Variants in CCBE1 observed in about 807,000 individuals in gnomAD.
CCBE1 encodes the protein collagen and calcium-binding EGF domain-containing protein 1.
In CCBE1, 37 loss-of-function variants were observed where a neutral mutation model predicts 50.0. That is an observed-to-expected ratio of 0.74 (90% CI 0.57 to 0.97). CCBE1 has a LOEUF of 0.97. Among genes scored for constraint, CCBE1 ranks in the 50% least tolerant of loss-of-function variants. CCBE1 has a pLI of 0.00. For synonymous variants in CCBE1, 234 were observed against 203.7 expected, an observed-to-expected ratio of 1.15 and a Z score of -1.27; for missense variants, 538 against 523.8, an observed-to-expected ratio of 1.03 and a Z score of -0.26.
intron 6 of CCBE1, among the ~76,000 whole-genome samples, chr18:59,449,446 A>G (rs1910826633): frequency 6.6e-6 from 1 of 151,884 alleles, no homozygotes; most frequent in Non-Finnish European, 1.5e-5. Context: ...ACATGGTGGA[A>G]CACTATCTCC....
chr18:59,618,053 T>C (rs1204936383), intron 2 of CCBE1, among the ~76,000 whole-genome samples: 1 of 152,188 alleles, frequency 6.6e-6, no homozygotes, highest in African/African-American at 2.4e-5. Context: ...AGAAAGATAA[T>C]CAATTTTGAA....
intron 9 of CCBE1, among the ~76,000 whole-genome samples, chr18:59,438,479 C>G (rs1339816686): frequency 1.3e-5 from 2 of 152,222 alleles, no homozygotes; most frequent in Non-Finnish European, 2.9e-5. Flanking sequence ...GAGCAGGCAG[C>G]TCTCAGAGGG....
chr18:59,657,018 A>G (rs2054200204), intron 2 of CCBE1, among the ~76,000 whole-genome samples: 1 of 152,236 alleles, frequency 6.6e-6, no homozygotes, highest in Admixed American at 6.5e-5. Flanking sequence ...TGGACAGGCC[A>G]GGACCCCAGA....
intron 2 of CCBE1, among the ~76,000 whole-genome samples, chr18:59,594,202 T>C (rs1353310919): frequency 6.6e-6 from 1 of 152,246 alleles, no homozygotes. Flanking sequence ...TGTTTAACAA[T>C]GATCCCAATG....
At chr18:59,464,510 G>A (rs530684384) in intron 5 of CCBE1, among the ~76,000 whole-genome samples, 147 of 152,304 alleles carry the variant, frequency 9.7e-4, no homozygotes, top group Non-Finnish European at 4.7e-4. Flanking sequence ...CGACAAGCCC[G>A]TTTCCTCTGC....
chr18:59,605,011 G>A (rs1004810916), intron 2 of CCBE1, among the ~76,000 whole-genome samples: 1 of 152,182 alleles, frequency 6.6e-6, no homozygotes, highest in Non-Finnish European at 1.5e-5. Flanking sequence ...CCTACACCGT[G>A]TTCATCATGC....
At chr18:59,441,396 G>A (rs1409923757) in intron 7 of CCBE1, among the ~76,000 whole-genome samples, 1 of 151,362 alleles carries the variant, frequency 6.6e-6, no homozygotes, top group African/African-American at 2.4e-5. Flanking sequence ...TGTAATCCCA[G>A]CTACTCAGGA....
intron 8 of CCBE1, 39 bp from the exon 9 acceptor site, chr18:59,439,617 G>T (rs772248616): frequency 9.3e-6 from 15 of 1,614,128 alleles, no homozygotes; most frequent in Non-Finnish European, 1.3e-5. Context: ...ACAGGCAAAA[G>T]CATGGGACAA....
intron 2 of CCBE1, among the ~76,000 whole-genome samples, chr18:59,600,637 G>A (rs2053416118): frequency 6.6e-6 from 1 of 152,092 alleles, no homozygotes. Flanking sequence ...GGTTAGCAAA[G>A]GTCCTCCATG....
rs1598894783 is a variant in CCBE1 at position 59,430,962 on chromosome 18, A to T, written c.*4946T>A. 6.6e-6 allele frequency: 1 copy of T among 152,374 alleles called. No individual in the cohort carries two copies. The highest frequency in any genetic ancestry group is 1.5e-5 in the Non-Finnish European group (1 of 68,032). 9.4% of individuals were successfully genotyped at this position (152,374 alleles called of 1,614,324 possible). On this transcript the variant is annotated 3_prime_UTR_variant, in exon 11 of 11. Transcript: ENST00000439986. ...TGTAAGAAAAATAACTTTGTTATTA[A>T]GCATATACAATCATAACAAAAGTAC...
rs887442605 is a variant in CCBE1, at chr18:59,597,403, A to G, written c.212+99226T>C. ...GCATGAGCAAGGAGGCATTTAGAGA[A>G]TTTACTGAGTGAAACACATACCTAC... On this transcript the variant is annotated intron_variant, in intron 2 of 10. Transcript: ENST00000439986. Among the ~76,000 whole-genome samples, 2 of 152,210 alleles carry G rather than the reference A, an allele frequency of 1.3e-5. 1 individual carries two copies. The highest frequency in any genetic ancestry group is 3.8e-4 in the East Asian group (2 of 5,204).
chr18:59,526,748 G>T (rs1404978836), intron 2 of CCBE1, among the ~76,000 whole-genome samples: 1 of 152,136 alleles, frequency 6.6e-6, no homozygotes. Context: ...CTCGATTTCT[G>T]CTTTAATTTC....
At chr18:59,590,012 C>T (rs533255254) in intron 2 of CCBE1, among the ~76,000 whole-genome samples, 1 of 152,222 alleles carries the variant, frequency 6.6e-6, no homozygotes, top group African/African-American at 2.4e-5. Context: ...ACCGACAAAA[C>T]AGAAATTGAT....
chr18:59,557,082 C>T (rs1455749337), intron 2 of CCBE1, among the ~76,000 whole-genome samples: 2 of 152,288 alleles, frequency 1.3e-5, no homozygotes, highest in East Asian at 3.9e-4. Flanking sequence ...AGCTGGGCCC[C>T]AATCCCTCTA....
chr18:59,552,084 C>T (rs1267000875), intron 2 of CCBE1, among the ~76,000 whole-genome samples: 1 of 152,204 alleles, frequency 6.6e-6, no homozygotes, highest in Non-Finnish European at 1.5e-5. Context: ...TACCTTGGTG[C>T]CAGCTACCGT....
intron 2 of CCBE1, among the ~76,000 whole-genome samples, chr18:59,668,186 G>A (rs1206784569): frequency 6.6e-6 from 1 of 152,128 alleles, no homozygotes; most frequent in African/African-American, 2.4e-5. Context: ...TTGGGAGGCT[G>A]AGGCGGGTGG....
At chr18:59,599,804 A>G (rs1349655080) in intron 2 of CCBE1, among the ~76,000 whole-genome samples, 1 of 152,256 alleles carries the variant, frequency 6.6e-6, no homozygotes, top group Non-Finnish European at 1.5e-5. Context: ...GAGACCTGAC[A>G]GGCTCCGAAA....
At chr18:59,562,086 CTTGAG>C (rs1166928198) in intron 2 of CCBE1, among the ~76,000 whole-genome samples, 1 of 152,120 alleles carries the variant, frequency 6.6e-6, no homozygotes, top group African/African-American at 2.4e-5. Context: ...GATTTGTAAA[CTTGAG>C]TTATTTATTG....
intron 2 of CCBE1, among the ~76,000 whole-genome samples, chr18:59,486,850 A>G (rs1177442666): frequency 6.6e-6 from 1 of 152,092 alleles, no homozygotes; most frequent in Non-Finnish European, 1.5e-5. Context: ...ACTATACCCA[A>G]ATAAAACAAG....
Sources: gnomAD v4.1 joint callset for allele counts (sites outside exome capture counted in the v4.1 genomes callset) on GRCh38, gnomAD v4.1.1 for gene constraint, MANE v1.5 for transcripts, NCBI Gene and HGNC (gene_info 2026-07-23, HGNC 2026-07-21) for gene names.